PRR16: variants seen among roughly 807,000 people sequenced by gnomAD.
The protein encoded by PRR16 is protein Largen.
PRR16 carries 6 observed loss-of-function variants against 18.2 expected under a neutral mutation model. That is an observed-to-expected ratio of 0.33 (90% CI 0.18 to 0.65). The LOEUF (loss-of-function observed/expected upper bound fraction) is 0.65. Ranked by LOEUF, PRR16 falls within the 30% of genes least tolerant of loss-of-function variation. The pLI, the probability that PRR16 is intolerant of heterozygous loss-of-function variation, is 0.74. For synonymous variants in PRR16, 151 were observed against 147.8 expected, an observed-to-expected ratio of 1.02 and a Z score of -0.16; for missense variants, 412 against 376.6, an observed-to-expected ratio of 1.09 and a Z score of -0.78.
the PRR16 span, among the ~76,000 whole-genome samples, chr5:120,749,796 C>T: frequency 2.6e-5 from 4 of 152,054 alleles, no homozygotes; most frequent in Non-Finnish European, 1.5e-5. Flanking sequence ...TGGATATTCT[C>T]GTTTGAATAG....
intron 1 of PRR16, among the ~76,000 whole-genome samples, chr5:120,643,821 A>G (rs532887037): frequency 6.6e-6 from 1 of 152,112 alleles, no homozygotes; most frequent in Admixed American, 6.6e-5. Flanking sequence ...CGTGGCCAAC[A>G]TGGTGAAACC....
the PRR16 span, among the ~76,000 whole-genome samples, chr5:120,774,046 C>T: frequency 4.2e-5 from 6 of 142,094 alleles, no homozygotes; most frequent in African/African-American, 1.4e-4. Context: ...TACTAACTAG[C>T]TTTTATAATG....
At chr5:120,703,187 CT>C in the PRR16 span, among the ~76,000 whole-genome samples, 1 of 152,048 alleles carries the variant, frequency 6.6e-6, no homozygotes, top group Non-Finnish European at 1.5e-5. Context: ...GTGGGGGTGC[CT>C]TTTGAGCCAG....
At chr5:120,762,397 C>A in the PRR16 span, among the ~76,000 whole-genome samples, 24 of 152,188 alleles carry the variant, frequency 1.6e-4, no homozygotes, top group African/African-American at 5.5e-4. Context: ...AACACCTTTT[C>A]TAAGTAGGGT....
At chr5:120,663,986 A>G (rs1359949558) in intron 1 of PRR16, among the ~76,000 whole-genome samples, 3 of 152,278 alleles carry the variant, frequency 2.0e-5, no homozygotes, top group African/African-American at 7.2e-5. Context: ...GTTGATTAAA[A>G]CAGTTAATGT....
intron 1 of PRR16, among the ~76,000 whole-genome samples, chr5:120,593,048 C>T (rs1455611329): frequency 6.6e-6 from 1 of 151,914 alleles, no homozygotes; most frequent in African/African-American, 2.4e-5. Flanking sequence ...CCTAAATGCC[C>T]ACATCCAAAA....
chr5:120,695,150 T>C, the PRR16 span, among the ~76,000 whole-genome samples: 3 of 152,196 alleles, frequency 2.0e-5, no homozygotes, highest in Admixed American at 6.5e-5. Flanking sequence ...CCACCCTTTA[T>C]GACAAAAATC....
intron 1 of PRR16, among the ~76,000 whole-genome samples, chr5:120,510,862 C>T (rs1750803869): frequency 6.6e-6 from 1 of 152,248 alleles, no homozygotes; most frequent in Non-Finnish European, 1.5e-5. Flanking sequence ...CTGGTTCTGT[C>T]ATATGTGACT....
chr5:120,668,259 A>G (rs1419742117), intron 1 of PRR16, among the ~76,000 whole-genome samples: 1 of 150,836 alleles, frequency 6.6e-6, no homozygotes, highest in East Asian at 1.9e-4. Context: ...CTGTTTTATC[A>G]GAGACTAGGA....
chr5:120,560,396 C>T (rs1230260970), intron 1 of PRR16, among the ~76,000 whole-genome samples: 6 of 150,654 alleles, frequency 4.0e-5, no homozygotes, highest in Admixed American at 3.3e-4. Flanking sequence ...TTGAAATGAT[C>T]TTTTTTTTTG....
chr5:120,629,403 CATT>C (rs983978298), intron 1 of PRR16, among the ~76,000 whole-genome samples: 5 of 151,996 alleles, frequency 3.3e-5, no homozygotes, highest in African/African-American at 1.2e-4. Flanking sequence ...GATTTCTGAG[CATT>C]ATTTCTAAAT....
intron 1 of PRR16, among the ~76,000 whole-genome samples, chr5:120,602,718 T>G (rs1754022827): frequency 6.6e-6 from 1 of 152,104 alleles, no homozygotes; most frequent in Non-Finnish European, 1.5e-5. Flanking sequence ...GTGACTCTTA[T>G]TATCATCAAA....
chr5:120,677,941 G>A (rs1756856070), intron 1 of PRR16, among the ~76,000 whole-genome samples: 2 of 88,178 alleles, frequency 2.3e-5, no homozygotes, highest in African/African-American at 9.1e-5. Flanking sequence ...ACGGAGTTTC[G>A]CTCTGTCGCC....
chr5:120,665,747 T>C (rs1756351488), intron 1 of PRR16, among the ~76,000 whole-genome samples: 1 of 152,230 alleles, frequency 6.6e-6, no homozygotes, highest in Non-Finnish European at 1.5e-5. Flanking sequence ...TTGTCAGGTT[T>C]GTCAAAGATC....
At chr5:120,554,095 A>G (rs1752339609) in intron 1 of PRR16, among the ~76,000 whole-genome samples, 2 of 151,916 alleles carry the variant, frequency 1.3e-5, no homozygotes, top group African/African-American at 4.8e-5. Context: ...TTAGAATCAA[A>G]TTTTTAAAAT....
chr5:120,789,037 TTC>T, the PRR16 span, among the ~76,000 whole-genome samples: 1 of 152,054 alleles, frequency 6.6e-6, no homozygotes, highest in Non-Finnish European at 1.5e-5. Flanking sequence ...GAAAACCACA[TTC>T]TCTTTGGGGT....
chr5:120,754,518 T>TG, the PRR16 span, among the ~76,000 whole-genome samples: 1 of 86,754 alleles, frequency 1.2e-5, no homozygotes, highest in Non-Finnish European at 2.1e-5. Flanking sequence ...ATATTATATA[T>TG]TATATATTAT....
At chr5:120,548,836 T>G (rs1419409755) in intron 1 of PRR16, among the ~76,000 whole-genome samples, 1 of 102,398 alleles carries the variant, frequency 9.8e-6, no homozygotes, top group Non-Finnish European at 2.2e-5. Flanking sequence ...ATCCTATCTG[T>G]TTTTAGTATG....
chr5:120,501,727 C>T (rs369203503), intron 1 of PRR16, among the ~76,000 whole-genome samples: 3 of 151,666 alleles, frequency 2.0e-5, no homozygotes, highest in Non-Finnish European at 4.4e-5. Context: ...GAGGCTGAGG[C>T]GGGCAGATCA....
Sources: gnomAD v4.1 joint callset for allele counts (sites outside exome capture counted in the v4.1 genomes callset) on GRCh38, gnomAD v4.1.1 for gene constraint, MANE v1.5 for transcripts, NCBI Gene and HGNC (gene_info 2026-07-23, HGNC 2026-07-21) for gene names.